Variants in IFT88 observed in about 807,000 individuals in gnomAD.
IFT88 encodes the protein intraflagellar transport 88.
In IFT88, 74 loss-of-function variants were observed where a neutral mutation model predicts 119.5. The ratio of observed to expected loss-of-function variants is 0.62; its 90% CI spans 0.51 to 0.75. IFT88 has a LOEUF of 0.75. Ranked by LOEUF, IFT88 falls within the 30% of genes least tolerant of loss-of-function variation. The pLI, the probability that IFT88 is intolerant of heterozygous loss-of-function variation, is 0.00. For missense variants in IFT88, 961 were observed against 977.7 expected (o/e 0.98, Z 0.23); for synonymous variants, 279 against 316.7 (o/e 0.88, Z 1.26).
In IFT88 at chr13:20,638,357, G is replaced by A. The variant is rs777117502; in HGVS notation, c.1412G>A (p.Ser471Asn). 12 of 1,404,940 alleles carry A rather than the reference G, an allele frequency of 8.5e-6. No individual in the cohort carries two copies. The highest frequency in any genetic ancestry group is 1.1e-5 in the Non-Finnish European group (12 of 1,073,492). 87.0% of individuals were successfully genotyped at this position (1,404,940 alleles called of 1,614,324 possible). Reference sequence around the variant, plus strand: ...GGAAAGGATTTTGCACAAGCCAGCAGCTATGCAGATATAGCTGTGAACTCT... The same window carrying A: ...GGAAAGGATTTTGCACAAGCCAGCAACTATGCAGATATAGCTGTGAACTCT... ...YMGKDFAQAS[S>N]YADIAVNSDR... Residue 471 changes from serine to asparagine, a missense_variant, in exon 17 of 26, where the codon AGC (serine) becomes AAC (asparagine). Coordinates refer to ENST00000351808, the MANE Select transcript of IFT88 (RefSeq NM_006531.5).
Position 20,599,567 on chromosome 13 carries a change from TA to T in IFT88, c.812+4del. The T allele has an allele frequency of 7.9e-7, 1 of 1,264,578 alleles. No homozygotes were observed. The highest frequency in any genetic ancestry group is 1.1e-6 in the Non-Finnish European group (1 of 882,528). 78.3% of individuals were successfully genotyped at this position (1,264,578 alleles called of 1,614,324 possible). A position where few individuals can be genotyped will look rare whatever the true frequency, so the allele number is the denominator to read the frequency against. On this transcript the variant is annotated splice_donor_region_variant and intron_variant, in intron 11 of 25. Coordinates refer to ENST00000351808, the MANE Select transcript of IFT88 (RefSeq NM_006531.5). ...TCCAAGTGTCAATAAGCAAATGAGG[TA>T]AGTTTATAACAATAGATAATAATTG...
At chr13:20,633,174 C>G (rs1490376351) in intron 16 of IFT88, among the ~76,000 whole-genome samples, 1 of 152,158 alleles carries the variant, frequency 6.6e-6, no homozygotes, top group Non-Finnish European at 1.5e-5. Context: ...CGTTCTCACA[C>G]TGCTATAAAG....
intron 24 of IFT88, among the ~76,000 whole-genome samples, chr13:20,689,856 A>G (rs2058312812): frequency 2.0e-5 from 3 of 152,232 alleles, no homozygotes. Flanking sequence ...ACATTTCTGC[A>G]TGGAAAAAAT....
At position 20,597,085 on chromosome 13, in the gene IFT88, C is replaced by G; in HGVS notation, c.560C>G (p.Thr187Ser). 1 of 1,602,574 alleles carries G rather than the reference C, an allele frequency of 6.2e-7. No individual in the cohort carries two copies. The highest frequency in any genetic ancestry group is 8.5e-7 in the Non-Finnish European group (1 of 1,173,688). ...GTGAGACAGCGAGAACAAGTTACAA[C>G]TCCAGAAAATATCAATTTGGATTTA... is the stretch of plus-strand genomic sequence containing the variant. ...VLVRQREQVT[T>S]PENINLDLTY... Residue 187 changes from threonine (T) to serine (S), a missense_variant, in exon 9 of 26, where the codon ACT becomes AGT. Physicochemically the swap from Thr to Ser is moderately conservative, Grantham distance 58. Coordinates refer to ENST00000351808, the MANE Select transcript of IFT88 (RefSeq NM_006531.5).
chr13:20,578,442 G>A (rs2037907383), intron 2 of IFT88, among the ~76,000 whole-genome samples: 1 of 149,024 alleles, frequency 6.7e-6, no homozygotes, highest in South Asian at 2.1e-4. Context: ...TTCAATCTTG[G>A]TAGGTTGTAT....
At chr13:20,630,597 C>T (rs916661415) in intron 15 of IFT88, among the ~76,000 whole-genome samples, 11 of 152,110 alleles carry the variant, frequency 7.2e-5, no homozygotes, top group African/African-American at 2.7e-4. Flanking sequence ...GAGAGTCTCA[C>T]GCCTATGCCC....
intron 18 of IFT88, chr13:20,641,615 CTATTATT>C: frequency 2.7e-6 from 1 of 370,812 alleles, no homozygotes; most frequent in Non-Finnish European, 4.9e-6. Flanking sequence ...ATGGTTAAAA[CTATTATT>C]TATTAAATTT....
intron 16 of IFT88, among the ~76,000 whole-genome samples, chr13:20,636,570 A>G (rs2049048240): frequency 6.6e-6 from 1 of 152,318 alleles, no homozygotes; most frequent in Admixed American, 6.5e-5. Flanking sequence ...CCTATCCTCC[A>G]TCCCACTCTG....
rs148587102 is a variant in IFT88 at position 20,625,680 on chromosome 13, T to G, written c.1200-70T>G. On this transcript the variant is annotated intron_variant, in intron 14 of 25. Coordinates refer to ENST00000351808, the MANE Select transcript of IFT88 (RefSeq NM_006531.5). ...TTTAAAAAATCTTTGAAAAGCCACATTTAAGAAAACCAACAGCATCAATAT... is the reference window on the plus strand; with the variant it reads ...TTTAAAAAATCTTTGAAAAGCCACAGTTAAGAAAACCAACAGCATCAATAT... The G allele has an allele frequency of 2.7e-3, 2,864 of 1,069,606 alleles. 52 individuals are homozygous for G. The African/African-American group carries it at 0.041, about 15-fold the overall frequency. 66.3% of individuals were successfully genotyped at this position (1,069,606 alleles called of 1,614,324 possible). A position where few individuals can be genotyped will look rare whatever the true frequency, so the allele number is the denominator to read the frequency against.
At chr13:20,673,889 A>C (rs76237745) in intron 24 of IFT88, among the ~76,000 whole-genome samples, 1,990 of 152,274 alleles carry the variant, frequency 0.013, 46 homozygotes, top group African/African-American at 0.046. Flanking sequence ...GGCATTTTAC[A>C]AGCAGGGTTG....
At chr13:20,650,614 C>A (rs964807431) in intron 20 of IFT88, among the ~76,000 whole-genome samples, 8 of 152,076 alleles carry the variant, frequency 5.3e-5, no homozygotes, top group Admixed American at 5.2e-4. Context: ...CTAGCCAGAG[C>A]AGGTAGGCAA....
rs1484408923 is a variant in IFT88, at chr13:20,598,723, A to G, written c.667A>G (p.Ile223Val). 1.2e-6 allele frequency: 2 copies of G among 1,607,854 alleles called. No homozygotes were observed. The highest frequency in any genetic ancestry group is 1.3e-5 in the African/African-American group (1 of 74,798). ...CGAAGCACTTAACACTTATCAAGTT[A>G]TAGTCAAAAATAAGATGTTTAGCAA... ...YAEALNTYQV[I>V]VKNKMFSNAG... Residue 223 changes from isoleucine (I) to valine (V), a missense_variant, in exon 10 of 26, where the codon ATA (isoleucine) becomes GTA (valine). Ile to Val is a conservative substitution (Grantham distance 29). Coordinates refer to ENST00000351808, the MANE Select transcript of IFT88 (RefSeq NM_006531.5).
chr13:20,597,041 A>G lies in IFT88; in HGVS notation c.516A>G (p.Gly172=). The change falls in exon 9 of 26, where the codon GGA becomes GGG. Residue 172 remains glycine, a synonymous_variant. Coordinates refer to ENST00000351808, the MANE Select transcript of IFT88 (RefSeq NM_006531.5). ...CCTTAGAAAAGGCAAAAGATGCAGG[A>G]AGAAAAGAGAGAGTCCTGGTGAGAC... ...KLALEKAKDA[G]RKERVLVRQR... is the part of the protein sequence containing the mutation. 1 of 1,605,794 alleles carries G rather than the reference A, an allele frequency of 6.2e-7. No homozygotes were observed. Among genetic ancestry groups the G allele is most frequent in the Non-Finnish European group, 8.5e-7 (1 of 1,176,274 alleles).
At chr13:20,660,127 G>A (rs949387391) in intron 22 of IFT88, among the ~76,000 whole-genome samples, 1 of 152,208 alleles carries the variant, frequency 6.6e-6, no homozygotes, top group Non-Finnish European at 1.5e-5. Context: ...GTAGTTATAA[G>A]TGCTATGAAG....
chr13:20,654,119 G>T (rs1280284379), intron 21 of IFT88, among the ~76,000 whole-genome samples, 191 bp downstream of exon 21: 1 of 151,832 alleles, frequency 6.6e-6, no homozygotes, highest in Non-Finnish European at 1.5e-5. Flanking sequence ...TTACAAAATG[G>T]GTATTAATCA....
chr13:20,676,594 C>T (rs187984755), intron 24 of IFT88, among the ~76,000 whole-genome samples: 1 of 152,304 alleles, frequency 6.6e-6, no homozygotes, highest in East Asian at 1.9e-4. Context: ...GCAGTGTAAC[C>T]AAGTGTACCC....
At chr13:20,591,966 T>C (rs191044581) in intron 6 of IFT88, among the ~76,000 whole-genome samples, 138 of 152,306 alleles carry the variant, frequency 9.1e-4, no homozygotes, top group African/African-American at 2.9e-3. Context: ...AAAATTAATG[T>C]TTGGTATGCC....
intron 16 of IFT88, among the ~76,000 whole-genome samples, chr13:20,633,706 C>T (rs1368903150): frequency 6.6e-6 from 1 of 152,148 alleles, no homozygotes; most frequent in African/African-American, 2.4e-5. Context: ...TAGAGCATCT[C>T]ATCAGCAATT....
chr13:20,628,652 G>A (rs191776729), intron 15 of IFT88, among the ~76,000 whole-genome samples: 4 of 152,288 alleles, frequency 2.6e-5, no homozygotes, highest in Non-Finnish European at 4.4e-5. Flanking sequence ...AAATACCCGA[G>A]TGTTCCTTTT....
Sources: gnomAD v4.1 joint callset for allele counts (sites outside exome capture counted in the v4.1 genomes callset) on GRCh38, gnomAD v4.1.1 for gene constraint, MANE v1.5 for transcripts, NCBI Gene and HGNC (gene_info 2026-07-23, HGNC 2026-07-21) for gene names.